OIT3: variants seen among roughly 807,000 people sequenced by gnomAD.
OIT3 encodes oncoprotein induced transcript 3, also known as oncoprotein-induced transcript 3 protein.
A neutral mutation model predicts 52.2 loss-of-function variants in OIT3; 41 were observed. The observed-to-expected ratio is 0.79, with a 90% CI of 0.61 to 1.02. OIT3 has a LOEUF of 1.02. Ranked by LOEUF, OIT3 falls within the 50% of genes least tolerant of loss-of-function variation. OIT3 has a pLI of 0.00. For synonymous variants in OIT3, 244 were observed against 276.9 expected, an observed-to-expected ratio of 0.88 and a Z score of 1.18; for missense variants, 634 against 715.5, an observed-to-expected ratio of 0.89 and a Z score of 1.30.
At chr10:72,905,660 A>G (rs555968617) in intron 3 of OIT3, among the ~76,000 whole-genome samples, 1 of 152,284 alleles carries the variant, frequency 6.6e-6, no homozygotes, top group East Asian at 1.9e-4. Flanking sequence ...TGGGAAGTGT[A>G]AAACCGTACT....
rs114780665 is a variant in OIT3 at position 72,915,215 on chromosome 10, A to C, written c.951+1747A>C. Among the ~76,000 whole-genome samples the C allele has an allele frequency of 5.5e-3, 839 of 152,250 alleles. 5 individuals are homozygous for C. The highest frequency in any genetic ancestry group is 0.019 in the African/African-American group (780 of 41,544). The stretch of plus-strand genomic sequence containing the variant: ...ATTTATTAAAAAGTACACAACAAAG[A>C]GCTAGGCGGTATAATACCAATAGTT... On this transcript the variant is annotated intron_variant, in intron 6 of 8. Transcript: ENST00000334011.
Position 72,913,370 on chromosome 10 carries a change from C to T in OIT3, c.853C>T (p.Leu285=), listed in dbSNP as rs535279521. 2.6e-4 allele frequency: 416 copies of T among 1,613,752 alleles called. 4 individuals are homozygous for T. The South Asian group carries it at 4.4e-3, about 17-fold the overall frequency. ...CATCCCCAGGGAGCTGGTTGGTGGCCTGGAGCTCTTCCTGACCAACACCTC... is the reference window on the plus strand; with the variant it reads ...CATCCCCAGGGAGCTGGTTGGTGGCTTGGAGCTCTTCCTGACCAACACCTC... ...VNIPRELVGG[L]ELFLTNTSCR... Residue 285 remains leucine, a synonymous_variant, in exon 6 of 9, where the codon CTG becomes TTG. Transcript: ENST00000334011.
intron 3 of OIT3, among the ~76,000 whole-genome samples, chr10:72,905,034 G>A (rs1288484166): frequency 1.3e-5 from 2 of 152,104 alleles, no homozygotes; most frequent in Non-Finnish European, 2.9e-5. Flanking sequence ...GAGGTGGCAG[G>A]CTCCTTTTAA....
chr10:72,897,920 A>T (rs544674175), intron 1 of OIT3, among the ~76,000 whole-genome samples: 1 of 152,098 alleles, frequency 6.6e-6, no homozygotes, highest in African/African-American at 2.4e-5. Flanking sequence ...CTTCTCCTGT[A>T]AATAATTTTT....
chr10:72,925,306 A>C (rs1283244588), intron 7 of OIT3, among the ~76,000 whole-genome samples: 1 of 152,178 alleles, frequency 6.6e-6, no homozygotes, highest in Non-Finnish European at 1.5e-5. Context: ...AGAGAAATTC[A>C]GTGGGCATTC....
intron 7 of OIT3, among the ~76,000 whole-genome samples, chr10:72,928,200 A>G (rs147317826): frequency 3.3e-5 from 5 of 152,372 alleles, no homozygotes; most frequent in Non-Finnish European, 7.3e-5. Context: ...CTGAGAATAC[A>G]AAATAATTTA....
intron 4 of OIT3, among the ~76,000 whole-genome samples, chr10:72,907,587 A>G (rs1051239778): frequency 2.0e-5 from 3 of 152,078 alleles, no homozygotes; most frequent in Non-Finnish European, 4.4e-5. Flanking sequence ...GCTTCAGAGG[A>G]GCTAAGATGG....
intron 6 of OIT3, among the ~76,000 whole-genome samples, chr10:72,920,592 C>A (rs1202902252): frequency 6.6e-6 from 1 of 152,194 alleles, no homozygotes; most frequent in Non-Finnish European, 1.5e-5. Flanking sequence ...TCTCTTAACA[C>A]TGCCTAACCT....
At chr10:72,922,909 C>T (rs1414480929) in intron 6 of OIT3, among the ~76,000 whole-genome samples, 1 of 151,966 alleles carries the variant, frequency 6.6e-6, no homozygotes, top group Non-Finnish European at 1.5e-5. Flanking sequence ...GAGTCTCGCT[C>T]TTGTCACCCA....
At chr10:72,897,952 CA>C (rs60280966) in intron 1 of OIT3, among the ~76,000 whole-genome samples, 6,068 of 152,140 alleles carry the variant, frequency 0.04, 392 homozygotes, top group African/African-American at 0.13. Flanking sequence ...TAAGTCTGTT[CA>C]ACTTTCTCTG....
At chr10:72,897,594 G>A (rs1309194991) in intron 1 of OIT3, among the ~76,000 whole-genome samples, 1 of 152,110 alleles carries the variant, frequency 6.6e-6, no homozygotes, top group African/African-American at 2.4e-5. Context: ...TGTGCCCGAG[G>A]CCTTTTTCTT....
At chr10:72,922,173 T>C (rs1846127549) in intron 6 of OIT3, among the ~76,000 whole-genome samples, 1 of 152,212 alleles carries the variant, frequency 6.6e-6, no homozygotes, top group Admixed American at 6.5e-5. Flanking sequence ...GGGATGATTT[T>C]CTTGTGGAGT....
At chr10:72,907,468 C>T (rs957511057) in intron 4 of OIT3, among the ~76,000 whole-genome samples, 1 of 152,174 alleles carries the variant, frequency 6.6e-6, no homozygotes, top group Non-Finnish European at 1.5e-5. Flanking sequence ...GTAATAGAGG[C>T]AGTAGCATAA....
intron 1 of OIT3, among the ~76,000 whole-genome samples, chr10:72,897,214 G>T (rs758448511): frequency 6.6e-6 from 1 of 152,044 alleles, no homozygotes; most frequent in Non-Finnish European, 1.5e-5. Context: ...AGTAGGGGTG[G>T]GGTTTCACCA....
intron 6 of OIT3, chr10:72,918,094 C>T: frequency 1.5e-6 from 2 of 1,313,508 alleles, no homozygotes; most frequent in African/African-American, 1.4e-5. Flanking sequence ...ACCTTGCTAC[C>T]ACCTCCAGGG....
intron 4 of OIT3, among the ~76,000 whole-genome samples, chr10:72,910,272 G>A (rs1846018047): frequency 1.3e-5 from 2 of 152,114 alleles, no homozygotes; most frequent in African/African-American, 2.4e-5. Context: ...ACATCTTATA[G>A]CATATTTTTG....
intron 7 of OIT3, among the ~76,000 whole-genome samples, chr10:72,929,586 T>A (rs867178199): frequency 6.6e-5 from 10 of 152,120 alleles, no homozygotes; most frequent in Middle Eastern, 6.8e-3. Flanking sequence ...TTTTTTTTTT[T>A]TTTAGAGACA....
At chr10:72,917,992 CATT>C (rs1409876009) in intron 6 of OIT3, 28 of 809,528 alleles carry the variant, frequency 3.5e-5, no homozygotes, top group African/African-American at 5.0e-5. Context: ...TCATTATCAT[CATT>C]ATCTTCATCA....
At chr10:72,907,449 A>G (rs1325510841) in intron 4 of OIT3, among the ~76,000 whole-genome samples, 1 of 152,162 alleles carries the variant, frequency 6.6e-6, no homozygotes, top group African/African-American at 2.4e-5. Flanking sequence ...GCACACCTGG[A>G]CTGGCCAGGT....
Sources: allele counts gnomAD v4.1 joint callset (sites outside exome capture counted in the v4.1 genomes callset), GRCh38; gene constraint gnomAD v4.1.1; transcripts MANE v1.5; gene names NCBI Gene and HGNC (gene_info 2026-07-23, HGNC 2026-07-21).